Variants in SPIDR observed in about 807,000 individuals in gnomAD.
SPIDR encodes DNA repair-scaffolding protein.
SPIDR carries 93 observed loss-of-function variants against 104.6 expected under a neutral mutation model. That is an observed-to-expected ratio of 0.89 (90% confidence interval 0.75 to 1.06). The LOEUF (loss-of-function observed/expected upper bound fraction) is 1.06, where lower values mean the gene tolerates loss of function less well. Among genes scored for constraint, SPIDR ranks in the 50% least tolerant of loss-of-function variants. The probability of loss-of-function intolerance (pLI) is 0.00; values close to 1 mark genes in which losing one functional copy is unlikely to be tolerated. For synonymous variants in SPIDR, 431 were observed against 416.9 expected, an observed-to-expected ratio of 1.03 and a Z score of -0.41; for missense variants, 1,154 against 1,111.2, an observed-to-expected ratio of 1.04 and a Z score of -0.55.
At chr8:47,700,910 C>T (rs1176064552) in intron 12 of SPIDR, among the ~76,000 whole-genome samples, 2 of 152,192 alleles carry the variant, frequency 1.3e-5, no homozygotes, top group Non-Finnish European at 2.9e-5. Flanking sequence ...ATTCGTACAA[C>T]GTCCTGGGTA....
chr8:47,545,122 T>TC lies in SPIDR; in HGVS notation c.1098-50689_1098-50688insC, dbSNP rs1320446637. Among the ~76,000 whole-genome samples the TC allele has an allele frequency of 3.4e-4, 49 of 145,060 alleles. No individual in the cohort carries two copies. The East Asian group carries it at 5.8e-3, about 17-fold the overall frequency. On this transcript the variant is annotated intron_variant, in intron 8 of 19. Coordinates refer to ENST00000297423, the MANE Select transcript of SPIDR (RefSeq NM_001080394.4). ...TTCTTTCTTTCTTTCTTTCTTTCTTTTTTTTTTTTTTTTGTTGAAACGGAG... is the reference window on the plus strand; with the variant it reads ...TTCTTTCTTTCTTTCTTTCTTTCTTTCTTTTTTTTTTTTTGTTGAAACGGAG...
rs78652349 is a variant in SPIDR at position 47,511,404 on chromosome 8, T to C, written c.1097+70862T>C. 5.0e-3 allele frequency: 4,262 copies of C among 851,310 alleles called. 47 individuals are homozygous for C. Among genetic ancestry groups the C allele is most frequent in the Middle Eastern group, 0.025 (112 of 4,554 alleles). The allele number at this position is 851,310 out of a possible 1,614,324, so 52.7% of individuals were successfully genotyped here. On this transcript the variant is annotated intron_variant, in intron 8 of 19. Coordinates refer to ENST00000297423, the MANE Select transcript of SPIDR (RefSeq NM_001080394.4). ...CGCCAGTGAAGGCTTTGAAGGCTTA[T>C]TTGGACTTCATAAAGTCCTCGTCCT...
At chr8:47,280,041 T>A in intron 2 of SPIDR, 24 bp downstream of exon 2, 3 of 1,604,694 alleles carry the variant, frequency 1.9e-6, no homozygotes, top group Non-Finnish European at 2.6e-6. Flanking sequence ...AGAATTGTTT[T>A]CCCTGAATGC....
intron 11 of SPIDR, among the ~76,000 whole-genome samples, chr8:47,692,102 G>A (rs1280855189): frequency 6.6e-6 from 1 of 152,178 alleles, no homozygotes; most frequent in Admixed American, 6.6e-5. Flanking sequence ...TTCAGGTCAG[G>A]TTTAGTGGTC....
At chr8:47,355,305 A>G (rs1587593299) in intron 5 of SPIDR, among the ~76,000 whole-genome samples, 1 of 140,290 alleles carries the variant, frequency 7.1e-6, no homozygotes, top group Non-Finnish European at 1.5e-5. Flanking sequence ...CTGCCTTAGT[A>G]TCTGTTGGAA....
At chr8:47,442,307 T>C (rs2069596919) in intron 8 of SPIDR, among the ~76,000 whole-genome samples, 1 of 152,234 alleles carries the variant, frequency 6.6e-6, no homozygotes. Context: ...GATTTTTAAA[T>C]TCTTAAATAT....
At chr8:47,660,995 A>G (rs1011990367) in intron 10 of SPIDR, 2 of 984,586 alleles carry the variant, frequency 2.0e-6, no homozygotes, top group African/African-American at 3.5e-5. Context: ...CATAATCTGG[A>G]TTGTGCAGGT....
intron 19 of SPIDR, among the ~76,000 whole-genome samples, chr8:47,731,262 A>G: frequency 6.6e-6 from 1 of 152,008 alleles, no homozygotes; most frequent in East Asian, 1.9e-4. Context: ...CAGAAAAAAA[A>G]AAAAAAGGGC....
intron 7 of SPIDR, among the ~76,000 whole-genome samples, chr8:47,434,613 A>T (rs2154340853): frequency 6.6e-6 from 1 of 152,276 alleles, no homozygotes; most frequent in Middle Eastern, 3.4e-3. Flanking sequence ...AGACTTACAG[A>T]TGTTCCTGCC....
intron 5 of SPIDR, among the ~76,000 whole-genome samples, chr8:47,341,235 T>G (rs1337797408): frequency 6.6e-6 from 1 of 152,228 alleles, no homozygotes; most frequent in Non-Finnish European, 1.5e-5. Context: ...AGATAACCTT[T>G]CCTGACATAT....
chr8:47,321,641 A>G (rs1163022031), intron 5 of SPIDR, among the ~76,000 whole-genome samples: 1 of 152,322 alleles, frequency 6.6e-6, no homozygotes, highest in East Asian at 1.9e-4. Context: ...TGCCAAGTCA[A>G]TCCTAAGGTG....
chr8:47,528,329 C>A (rs2085359746), intron 8 of SPIDR, among the ~76,000 whole-genome samples: 2 of 152,050 alleles, frequency 1.3e-5, no homozygotes, highest in Non-Finnish European at 2.9e-5. Context: ...AGTTTTAAAA[C>A]CTTATACTAA....
In SPIDR at chr8:47,735,318, GA is replaced by G. The variant is rs1420328282; in HGVS notation, c.2618del (p.Lys873ArgfsTer11). On this transcript the variant is annotated frameshift_variant, in exon 20 of 20. Transcript: ENST00000297423. LOFTEE classifies it low-confidence loss of function (END_TRUNC). ...AAGEDGSYEV[K>X]SVLGKEVGLL... ...TTTTATCACTGCAGAGCTACGAAGTGAAGAGTGTCCTCGGAAAGGAAGTGGG... is the reference window on the plus strand; with the variant it reads ...TTTTATCACTGCAGAGCTACGAAGTGAGAGTGTCCTCGGAAAGGAAGTGGG... 1 of 1,613,914 alleles carries G rather than the reference GA, an allele frequency of 6.2e-7. No homozygotes were observed. Among genetic ancestry groups the G allele is most frequent in the Non-Finnish European group, 8.5e-7 (1 of 1,180,050 alleles).
At chr8:47,361,967 T>A (rs1200322540) in intron 5 of SPIDR, among the ~76,000 whole-genome samples, 10 of 152,208 alleles carry the variant, frequency 6.6e-5, no homozygotes, top group Non-Finnish European at 1.5e-4. Flanking sequence ...AGGCTCCACG[T>A]GCTACACATT....
intron 5 of SPIDR, among the ~76,000 whole-genome samples, chr8:47,349,251 C>G (rs1053101566): frequency 6.6e-6 from 1 of 152,182 alleles, no homozygotes; most frequent in Non-Finnish European, 1.5e-5. Flanking sequence ...CACTCCAGAC[C>G]CTGTTTGCCT....
intron 8 of SPIDR, among the ~76,000 whole-genome samples, chr8:47,526,525 A>G (rs990583859): frequency 1.3e-5 from 2 of 152,076 alleles, no homozygotes; most frequent in African/African-American, 4.8e-5. Context: ...AAAAAAATGA[A>G]CCCTGCTTCT....
chr8:47,354,340 CTT>C (rs11294456), intron 5 of SPIDR, among the ~76,000 whole-genome samples: 10 of 142,868 alleles, frequency 7.0e-5, no homozygotes, highest in African/African-American at 1.0e-4. Flanking sequence ...CGTTTGCCAT[CTT>C]TTTTTTTTTT....
At chr8:47,514,963 A>G (rs1006165281) in intron 8 of SPIDR, among the ~76,000 whole-genome samples, 1 of 152,206 alleles carries the variant, frequency 6.6e-6, no homozygotes, top group East Asian at 1.9e-4. Context: ...TTTGTTAATC[A>G]TAAGGATTCA....
chr8:47,580,441 C>T (rs2059594491), intron 8 of SPIDR, among the ~76,000 whole-genome samples: 1 of 152,152 alleles, frequency 6.6e-6, no homozygotes, highest in Non-Finnish European at 1.5e-5. Context: ...CTGTGTAGTG[C>T]TTACATCTAC....
Sources: gnomAD v4.1 joint callset for allele counts (sites outside exome capture counted in the v4.1 genomes callset) on GRCh38, gnomAD v4.1.1 for gene constraint, MANE v1.5 for transcripts, NCBI Gene and HGNC (gene_info 2026-07-23, HGNC 2026-07-21) for gene names.